Variants in KIF6 observed in about 807,000 individuals in gnomAD.
KIF6 encodes kinesin family member 6.
Under a neutral mutation model 112.7 loss-of-function variants are expected in KIF6, and 106 were observed. That is an observed-to-expected ratio of 0.94 (90% CI 0.80 to 1.11). The LOEUF (loss-of-function observed/expected upper bound fraction) is 1.11, where lower values mean the gene tolerates loss of function less well. Ranked by LOEUF, KIF6 falls within the 50% of genes least tolerant of loss-of-function variation. The probability of loss-of-function intolerance (pLI) is 0.00; values close to 1 mark genes in which losing one functional copy is unlikely to be tolerated. For synonymous variants in KIF6, 339 were observed against 339.9 expected (o/e 1.00, Z 0.03); for missense variants, 929 against 964.0 (o/e 0.96, Z 0.48).
chr6:39,637,892 G>A (rs1784709332), intron 4 of KIF6, among the ~76,000 whole-genome samples: 1 of 151,990 alleles, frequency 6.6e-6, no homozygotes, highest in Admixed American at 6.6e-5. Context: ...AGAATGAAAT[G>A]GAGTTTACGG....
At chr6:39,661,799 A>C (rs1003864340) in intron 3 of KIF6, among the ~76,000 whole-genome samples, 2 of 152,160 alleles carry the variant, frequency 1.3e-5, no homozygotes, top group Non-Finnish European at 2.9e-5. Flanking sequence ...TACCAGATGG[A>C]TACCTTCTAA....
At chr6:39,550,976 T>C (rs188176468) in intron 10 of KIF6, among the ~76,000 whole-genome samples, 1 of 152,262 alleles carries the variant, frequency 6.6e-6, no homozygotes, top group East Asian at 1.9e-4. Context: ...ACACCACATT[T>C]TCTTTATCTA....
chr6:39,490,756 T>C (rs1775433179), intron 13 of KIF6, among the ~76,000 whole-genome samples: 1 of 152,162 alleles, frequency 6.6e-6, no homozygotes, highest in African/African-American at 2.4e-5. Flanking sequence ...CATTAAAGAC[T>C]ATGATAAAAG....
intron 1 of KIF6, 108 bp downstream of exon 1, chr6:39,725,137 C>T (rs1790461947): frequency 4.6e-6 from 4 of 867,072 alleles, no homozygotes; most frequent in Non-Finnish European, 6.8e-6. Context: ...GCGGCCTCGG[C>T]GCCCACCAGC....
At chr6:39,472,759 G>A (rs2150442524) in intron 13 of KIF6, among the ~76,000 whole-genome samples, 1 of 152,252 alleles carries the variant, frequency 6.6e-6, no homozygotes, top group South Asian at 2.1e-4. Flanking sequence ...AGGCCAGTGG[G>A]ATTTACACAC....
intron 14 of KIF6, among the ~76,000 whole-genome samples, chr6:39,420,833 T>C (rs1049911202): frequency 2.6e-5 from 4 of 152,168 alleles, no homozygotes; most frequent in East Asian, 1.9e-4. Context: ...CATAAGTCCT[T>C]CCCTGTATTA....
chr6:39,638,567 A>C (rs1269488489), intron 4 of KIF6, among the ~76,000 whole-genome samples: 2 of 152,150 alleles, frequency 1.3e-5, no homozygotes, highest in Non-Finnish European at 2.9e-5. Flanking sequence ...GAGCTAGAGA[A>C]AGATGAGCTG....
rs143914988 is a variant in KIF6 at position 39,632,813 on chromosome 6, G to A, written c.509+2036C>T. ...TTTTTTGTATTTTTAATAGAGGTGG[G>A]GTTTCACCATGTTAGCCAGGATGGT... On this transcript the variant is annotated intron_variant, in intron 5 of 22. Transcript: ENST00000287152. Among the ~76,000 whole-genome samples the A allele has an allele frequency of 8.9e-3, 1,356 of 151,904 alleles. 19 individuals carry two copies. Among genetic ancestry groups the A allele is most frequent in the African/African-American group, 0.031 (1,295 of 41,404 alleles).
chr6:39,439,104 G>T (rs933497334), intron 13 of KIF6, among the ~76,000 whole-genome samples: 4 of 152,086 alleles, frequency 2.6e-5, no homozygotes, highest in African/African-American at 9.7e-5. Context: ...ACCTTATGAC[G>T]CATTTCTCAA....
At chr6:39,619,078 G>A (rs910521867) in intron 5 of KIF6, among the ~76,000 whole-genome samples, 11 of 152,176 alleles carry the variant, frequency 7.2e-5, no homozygotes, top group Admixed American at 7.2e-4. Flanking sequence ...TAGAAACTAA[G>A]TTAGTTAATA....
At chr6:39,415,409 T>C (rs1305149886) in intron 15 of KIF6, among the ~76,000 whole-genome samples, 6 of 151,316 alleles carry the variant, frequency 4.0e-5, no homozygotes, top group Non-Finnish European at 8.8e-5. Flanking sequence ...GTGACATATA[T>C]GGTAAAACCC....
In KIF6 at chr6:39,562,051, G is replaced by A. The variant is rs140724934; in HGVS notation, c.1181+16005C>T. Among the ~76,000 whole-genome samples, 11 of 152,288 alleles carry A rather than the reference G, an allele frequency of 7.2e-5. No individual in the cohort carries two copies. The East Asian group carries it at 1.9e-3, about 27-fold the overall frequency. On this transcript the variant is annotated intron_variant, in intron 10 of 22. Transcript: ENST00000287152. Reference sequence around the variant, plus strand: ...GGAAAGTCAGACATTTGACCCAAAGGGTGGCTAATAAGAAAAATTAGGCTC... The same window carrying A: ...GGAAAGTCAGACATTTGACCCAAAGAGTGGCTAATAAGAAAAATTAGGCTC...
intron 13 of KIF6, 125 bp downstream of exon 13, chr6:39,539,878 G>T (rs1778689061): frequency 1.8e-5 from 13 of 707,356 alleles, no homozygotes; most frequent in Admixed American, 2.7e-5. Flanking sequence ...TAAGATAATT[G>T]ATAGTTATAA....
At position 39,411,262 on chromosome 6, in the gene KIF6, G is replaced by C. The variant is rs184739902; in HGVS notation, c.1810+8686C>G. On this transcript the variant is annotated intron_variant, in intron 15 of 22. Transcript: ENST00000287152. ...GCTGAGGGAGGCCTGGAGGCAGAAC[G>C]CTGGGCTCTAAGGCCACCCTGGGTC... Among the ~76,000 whole-genome samples the C allele has an allele frequency of 3.0e-4, 45 of 152,314 alleles. No homozygotes were observed. The East Asian group carries it at 8.3e-3, about 28-fold the overall frequency.
At chr6:39,652,426 C>G (rs1355931974) in intron 3 of KIF6, among the ~76,000 whole-genome samples, 1 of 151,838 alleles carries the variant, frequency 6.6e-6, no homozygotes, top group Non-Finnish European at 1.5e-5. Flanking sequence ...ACTCAGGAGG[C>G]TGAGGCAGGA....
chr6:39,596,308 T>A, intron 6 of KIF6, 48 bp from the exon 7 acceptor site: 1 of 1,230,912 alleles, frequency 8.1e-7, no homozygotes, highest in Non-Finnish European at 1.2e-6. Context: ...TGAAAATTTT[T>A]AAAGAATATC....
At chr6:39,424,551 G>A (rs6929345) in intron 14 of KIF6, among the ~76,000 whole-genome samples, 6,527 of 152,302 alleles carry the variant, frequency 0.043, 438 homozygotes, top group African/African-American at 0.15. Flanking sequence ...CCAAGGCAAC[G>A]TGCACAAGTG....
At chr6:39,556,744 T>C (rs1779729073) in intron 10 of KIF6, among the ~76,000 whole-genome samples, 1 of 152,126 alleles carries the variant, frequency 6.6e-6, no homozygotes, top group Non-Finnish European at 1.5e-5. Context: ...AAGAAGTTTA[T>C]TGGGAAATTT....
chr6:39,653,028 C>T (rs759276499), intron 3 of KIF6, among the ~76,000 whole-genome samples: 7 of 152,162 alleles, frequency 4.6e-5, no homozygotes, highest in East Asian at 1.9e-4. Flanking sequence ...TTTTAAAATG[C>T]GAGGGCTAAT....
Sources: gnomAD v4.1 joint callset for allele counts (sites outside exome capture counted in the v4.1 genomes callset) on GRCh38, gnomAD v4.1.1 for gene constraint, MANE v1.5 for transcripts, NCBI Gene and HGNC (gene_info 2026-07-23, HGNC 2026-07-21) for gene names.